PTPRN2: variants seen among roughly 807,000 people sequenced by gnomAD.
The protein encoded by PTPRN2 is protein tyrosine phosphatase receptor type N2.
PTPRN2 carries 74 observed loss-of-function variants against 118.8 expected under a neutral mutation model. The ratio of observed to expected loss-of-function variants is 0.62; its 90% CI spans 0.52 to 0.76. The LOEUF (loss-of-function observed/expected upper bound fraction) is 0.76, where lower values mean the gene tolerates loss of function less well. Among genes scored for constraint, PTPRN2 ranks in the 30% least tolerant of loss-of-function variants. PTPRN2 has a pLI of 0.00. For synonymous variants in PTPRN2, 641 were observed against 608.0 expected (o/e 1.05, Z -0.80); for missense variants, 1,481 against 1,394.4 (o/e 1.06, Z -0.99).
intron 2 of PTPRN2, among the ~76,000 whole-genome samples, chr7:158,352,018 A>T (rs71547532): frequency 7.3e-4 from 38 of 52,182 alleles, no homozygotes; most frequent in African/African-American, 2.2e-3. Context: ...TCCCCTCCTG[A>T]CCGCTCCCCT....
At chr7:158,274,359 G>T (rs1798801271) in intron 3 of PTPRN2, among the ~76,000 whole-genome samples, 1 of 45,394 alleles carries the variant, frequency 2.2e-5, no homozygotes, top group African/African-American at 9.7e-5. Flanking sequence ...CACAGACACA[G>T]GGGGAGCCGC....
At position 157,928,646 on chromosome 7, in the gene PTPRN2, C is replaced by T. The variant is rs974713360; in HGVS notation, c.1724-29909G>A. 2.7e-5 allele frequency among the ~76,000 whole-genome samples: 4 copies of T among 147,850 alleles called. No homozygotes were observed. The East Asian group carries it at 5.9e-4, about 22-fold the overall frequency. ...AATCTGAGACCACCTGAGTTTGAAGCACCAGGGCTGGGAGTGCAAGTTCCG... is the reference window on the plus strand; with the variant it reads ...AATCTGAGACCACCTGAGTTTGAAGTACCAGGGCTGGGAGTGCAAGTTCCG... On this transcript the variant is annotated intron_variant, in intron 11 of 22. Transcript: ENST00000389418.
At chr7:157,952,513 C>T (rs968321038) in intron 11 of PTPRN2, among the ~76,000 whole-genome samples, 2 of 151,358 alleles carry the variant, frequency 1.3e-5, no homozygotes, top group Admixed American at 6.6e-5. Flanking sequence ...GACGCTGACT[C>T]CGTGGTGGAA....
In PTPRN2 at chr7:158,318,006, A is replaced by G. The variant is rs574425044; in HGVS notation, c.164-1074T>C. On this transcript the variant is annotated intron_variant, in intron 2 of 22. Transcript: ENST00000389418. ...CTGGCAGCTGCGCGGGCGGGCGGAC[A>G]ATGGCAAGGAGGAGACGCCAGGCCC... Among the ~76,000 whole-genome samples, 580 of 152,284 alleles carry G rather than the reference A, an allele frequency of 3.8e-3. 4 individuals are homozygous for G. The highest frequency in any genetic ancestry group is 0.024 in the Middle Eastern group (7 of 294).
In PTPRN2 at chr7:157,598,922, C is replaced by G. The variant is rs1420252393; in HGVS notation, c.2419-3607G>C. Among the ~76,000 whole-genome samples, 4 of 152,188 alleles carry G rather than the reference C, an allele frequency of 2.6e-5. No homozygotes were observed. Among genetic ancestry groups the G allele is most frequent in the African/African-American group, 9.7e-5 (4 of 41,436 alleles). On this transcript the variant is annotated intron_variant, in intron 16 of 22. Transcript: ENST00000389418. This position sits in a 1 kb window ranked among gnomAD's most constrained non-coding sequence, Gnocchi z 5.2. ...ACATCCCGCCTAGAGAGGCCGGTAC[C>G]ACAGAGAATCCAGTGTGACTCACTC...
At chr7:157,895,687 G>A (rs1797069055) in intron 12 of PTPRN2, among the ~76,000 whole-genome samples, 1 of 151,398 alleles carries the variant, frequency 6.6e-6, no homozygotes, top group Non-Finnish European at 1.5e-5. Flanking sequence ...CATCGAGGGA[G>A]GGAGAGGTGA....
intron 4 of PTPRN2, 52 bp downstream of exon 4, chr7:158,205,119 G>T: frequency 7.3e-7 from 1 of 1,367,266 alleles, no homozygotes; most frequent in Non-Finnish European, 1.0e-6. Flanking sequence ...AAGTGTAATG[G>T]CTATGGACTG....
At chr7:158,277,744 G>C (rs548777958) in intron 3 of PTPRN2, among the ~76,000 whole-genome samples, 3 of 152,180 alleles carry the variant, frequency 2.0e-5, no homozygotes, top group Non-Finnish European at 4.4e-5. Context: ...TCCCTTGCCC[G>C]GCCGGGGTTG....
At position 158,061,115 on chromosome 7, in the gene PTPRN2, G is replaced by A. The variant is rs143285516; in HGVS notation, c.1723+20183C>T. ...GCTTTGTCCGTGTCGCTCAGCTGCCGGCTCACTGAAGGGTGGTCATGGAAG... is the reference window on the plus strand; with the variant it reads ...GCTTTGTCCGTGTCGCTCAGCTGCCAGCTCACTGAAGGGTGGTCATGGAAG... On this transcript the variant is annotated intron_variant, in intron 11 of 22. Coordinates refer to ENST00000389418, the MANE Select transcript of PTPRN2 (RefSeq NM_002847.5). Among the ~76,000 whole-genome samples, 12 of 152,334 alleles carry A rather than the reference G, an allele frequency of 7.9e-5. No individual in the cohort carries two copies. In the East Asian group the frequency reaches 1.7e-3, roughly 22 times the overall value.
intron 10 of PTPRN2, among the ~76,000 whole-genome samples, chr7:158,089,620 G>A (rs1813847547): frequency 8.0e-6 from 1 of 125,244 alleles, no homozygotes; most frequent in Non-Finnish European, 1.8e-5. Flanking sequence ...GATGAAAGAG[G>A]GAGTCTTCAC....
At chr7:157,648,660 G>A (rs1264704169) in intron 14 of PTPRN2, among the ~76,000 whole-genome samples, 1 of 141,876 alleles carries the variant, frequency 7.0e-6, no homozygotes. Flanking sequence ...CACTGAACTC[G>A]GTGGGTCAGA....
intron 12 of PTPRN2, among the ~76,000 whole-genome samples, chr7:157,757,554 G>A (rs1420369272): frequency 1.3e-5 from 2 of 152,010 alleles, no homozygotes; most frequent in African/African-American, 4.8e-5. Flanking sequence ...GGGGAAGGCG[G>A]GAGGTGTTAA....
Position 158,138,568 on chromosome 7 carries a change from T to C in PTPRN2, c.911-53A>G, listed in dbSNP as rs906213119. 3 of 1,552,510 alleles carry C rather than the reference T, an allele frequency of 1.9e-6. No individual in the cohort carries two copies. In the African/African-American group the frequency reaches 4.1e-5, roughly 21 times the overall value. ...CGTTGTGGGTGGACGAATGCAAAGG[T>C]GAGGGCCTCCAGACCATAGGGGTGT... On this transcript the variant is annotated intron_variant, in intron 6 of 22. Transcript: ENST00000389418.
intron 2 of PTPRN2, among the ~76,000 whole-genome samples, chr7:158,358,699 G>T (rs1808584811): frequency 6.6e-6 from 1 of 152,208 alleles, no homozygotes; most frequent in Non-Finnish European, 1.5e-5. Context: ...TTAGCGTTCG[G>T]CTGCAGCCGG....
intron 2 of PTPRN2, among the ~76,000 whole-genome samples, chr7:158,334,095 GGTGA>G (rs1805085225): frequency 1.3e-5 from 1 of 76,900 alleles, no homozygotes; most frequent in African/African-American, 4.5e-5. Flanking sequence ...CACCATAAGA[GGTGA>G]CACCTGCAGA....
At chr7:158,000,036 G>A (rs1280314441) in intron 11 of PTPRN2, among the ~76,000 whole-genome samples, 2 of 152,066 alleles carry the variant, frequency 1.3e-5, no homozygotes, top group African/African-American at 4.8e-5. Context: ...ACAGGTGAGT[G>A]CCACCATGCC....
At chr7:157,695,614 G>C (rs2150846963) in intron 12 of PTPRN2, among the ~76,000 whole-genome samples, 1 of 152,284 alleles carries the variant, frequency 6.6e-6, no homozygotes, top group Admixed American at 6.5e-5. Flanking sequence ...TCCTAGTAAA[G>C]CATAGTAGTT....
At chr7:158,196,689 G>GGT (rs1826239471) in intron 4 of PTPRN2, among the ~76,000 whole-genome samples, 1 of 152,202 alleles carries the variant, frequency 6.6e-6, no homozygotes, top group African/African-American at 2.4e-5. Context: ...CCTGCCCACG[G>GGT]CTAGTGAGGA....
At chr7:157,692,449 G>T (rs1355741581) in intron 12 of PTPRN2, among the ~76,000 whole-genome samples, 1 of 152,256 alleles carries the variant, frequency 6.6e-6, no homozygotes, top group Non-Finnish European at 1.5e-5. Flanking sequence ...CGAGCCCCAG[G>T]GGGCAGGGCT....
Sources: allele counts gnomAD v4.1 joint callset (sites outside exome capture counted in the v4.1 genomes callset), GRCh38; gene constraint gnomAD v4.1.1; non-coding constraint Gnocchi (gnomAD v3.1); transcripts MANE v1.5; gene names NCBI Gene and HGNC (gene_info 2026-07-23, HGNC 2026-07-21).